Variants in NELL2 observed in about 807,000 individuals in gnomAD.
NELL2 encodes neural EGFL like 2.
A neutral mutation model predicts 109.6 loss-of-function variants in NELL2; 41 were observed. The ratio of observed to expected loss-of-function variants is 0.37; its 90% CI spans 0.29 to 0.49. The LOEUF is 0.49. NELL2 is among the 20% of genes least tolerant of loss of function. NELL2 has a pLI of 0.98. For synonymous variants in NELL2, 355 were observed against 344.7 expected (o/e 1.03, Z -0.33); for missense variants, 900 against 1,008.3 (o/e 0.89, Z 1.45).
intron 15 of NELL2, among the ~76,000 whole-genome samples, chr12:44,582,574 G>T (rs1232192365): frequency 6.6e-6 from 1 of 152,102 alleles, no homozygotes; most frequent in Non-Finnish European, 1.5e-5. Flanking sequence ...CATATGAGAT[G>T]AAACGTCAGG....
At chr12:44,532,854 T>C in intron 15 of NELL2, 133 bp from the exon 16 acceptor site, 1 of 814,794 alleles carries the variant, frequency 1.2e-6, no homozygotes, top group South Asian at 1.9e-5. Context: ...ATTAAGAAAG[T>C]CTACTTGTTT....
intron 15 of NELL2, among the ~76,000 whole-genome samples, chr12:44,548,368 A>C (rs1190944783): frequency 6.6e-6 from 1 of 151,916 alleles, no homozygotes; most frequent in Non-Finnish European, 1.5e-5. Context: ...CATAGTGAAA[A>C]CCAGTCTCTA....
intron 1 of NELL2, among the ~76,000 whole-genome samples, chr12:44,919,316 A>C (rs1238675663): frequency 6.6e-6 from 1 of 151,978 alleles, no homozygotes; most frequent in Non-Finnish European, 1.5e-5. Flanking sequence ...TAAAAATGAT[A>C]AATTATTAAT....
intron 13 of NELL2, among the ~76,000 whole-genome samples, chr12:44,658,716 A>C (rs956816282): frequency 6.6e-6 from 1 of 151,356 alleles, no homozygotes; most frequent in African/African-American, 2.4e-5. Context: ...CTCTACTAAA[A>C]ATACAAAAAA....
intron 3 of NELL2, among the ~76,000 whole-genome samples, chr12:44,813,017 A>G (rs1240648891): frequency 6.6e-6 from 1 of 152,156 alleles, no homozygotes; most frequent in Admixed American, 6.6e-5. Context: ...CTGATCTTGT[A>G]TGATTATGAG....
chr12:44,633,681 A>G (rs1946533986), intron 13 of NELL2, among the ~76,000 whole-genome samples: 1 of 152,178 alleles, frequency 6.6e-6, no homozygotes, highest in African/African-American at 2.4e-5. Context: ...AATAATGAAT[A>G]GTAGATTCAT....
chr12:44,887,324 T>C (rs962412717), intron 1 of NELL2, among the ~76,000 whole-genome samples: 6 of 151,986 alleles, frequency 3.9e-5, no homozygotes, highest in African/African-American at 1.2e-4. Context: ...GCCCTTATTT[T>C]TGGTTTTTTG....
intron 2 of NELL2, among the ~76,000 whole-genome samples, chr12:44,857,733 T>C (rs182781771): frequency 2.0e-5 from 3 of 152,362 alleles, no homozygotes; most frequent in Admixed American, 6.5e-5. Context: ...AATCTTCCTT[T>C]ACTGGTTTTC....
intron 1 of NELL2, among the ~76,000 whole-genome samples, chr12:44,885,474 C>A (rs926605555): frequency 5.3e-5 from 8 of 151,656 alleles, no homozygotes; most frequent in Non-Finnish European, 1.2e-4. Flanking sequence ...GAAATCAATT[C>A]TATTTGTATA....
At chr12:44,680,771 C>G (rs1432057753) in intron 12 of NELL2, among the ~76,000 whole-genome samples, 2 of 152,164 alleles carry the variant, frequency 1.3e-5, no homozygotes, top group African/African-American at 4.8e-5. Context: ...TTCTCTCTCA[C>G]ATTCATTTAA....
chr12:44,765,680 G>T (rs1551081), intron 9 of NELL2, among the ~76,000 whole-genome samples: 1 of 151,994 alleles, frequency 6.6e-6, no homozygotes, highest in African/African-American at 2.4e-5. Flanking sequence ...AAGAAGCTCC[G>T]TTCTTACCAC....
intron 10 of NELL2, among the ~76,000 whole-genome samples, chr12:44,712,911 G>T (rs949272238): frequency 2.0e-5 from 3 of 151,890 alleles, no homozygotes; most frequent in East Asian, 1.9e-4. Context: ...TTTGTGGCTT[G>T]CATCATATTT....
chr12:44,711,126 C>T lies in NELL2; in HGVS notation c.1189+166G>A, dbSNP rs1304061486. ...TTTTAATTCAGTTCAGTAAATATTT[C>T]ATGACTACCTACTGTGCTACTCTGT... On this transcript the variant is annotated intron_variant, in intron 11 of 19. Coordinates refer to ENST00000429094, the MANE Select transcript of NELL2 (RefSeq NM_001145108.2). Among the ~76,000 whole-genome samples, 4 of 152,100 alleles carry T rather than the reference C, an allele frequency of 2.6e-5. No individual in the cohort carries two copies. In the East Asian group the frequency reaches 7.7e-4, roughly 29 times the overall value.
rs758903947 is a variant in NELL2 at position 44,658,876 on chromosome 12, C to CAAAAAAAAAAAAA, written c.1444+6607_1444+6608insTTTTTTTTTTTTT. Among the ~76,000 whole-genome samples the CAAAAAAAAAAAAA allele has an allele frequency of 1.9e-4, 19 of 97,566 alleles. 1 individual carries two copies. The highest frequency in any genetic ancestry group is 3.3e-4 in the Non-Finnish European group (17 of 50,988). The allele number at this position is 97,566 out of a possible 152,430, so 64.0% of individuals were successfully genotyped here. A position where few individuals can be genotyped will look rare whatever the true frequency, so the allele number is the denominator to read the frequency against. ...TGGGCGACAGAGCAAGACTCTGTCT[C>CAAAAAAAAAAAAA]CAAAAAAAAAAAAAAAAAAAAAAGA... On this transcript the variant is annotated intron_variant, in intron 13 of 19. Coordinates refer to ENST00000429094, the MANE Select transcript of NELL2 (RefSeq NM_001145108.2).
At chr12:44,557,505 A>C (rs540685280) in intron 15 of NELL2, among the ~76,000 whole-genome samples, 1 of 152,190 alleles carries the variant, frequency 6.6e-6, no homozygotes, top group Non-Finnish European at 1.5e-5. Flanking sequence ...AAGAGGATCA[A>C]TGCAGAGGTA....
chr12:44,898,654 CA>C (rs1338001160), intron 1 of NELL2, among the ~76,000 whole-genome samples: 1 of 152,146 alleles, frequency 6.6e-6, no homozygotes, highest in Non-Finnish European at 1.5e-5. Context: ...TGAGGAAAAC[CA>C]GGCACAAAAA....
intron 15 of NELL2, among the ~76,000 whole-genome samples, chr12:44,549,037 A>AT (rs1942920304): frequency 6.6e-6 from 1 of 152,222 alleles, no homozygotes; most frequent in Non-Finnish European, 1.5e-5. Context: ...AGTGAAACTT[A>AT]TTAGACAGGC....
At chr12:44,783,337 C>A (rs1942035181) in intron 3 of NELL2, among the ~76,000 whole-genome samples, 1 of 149,790 alleles carries the variant, frequency 6.7e-6, no homozygotes, top group African/African-American at 2.5e-5. Context: ...AAAGGAAGGG[C>A]AAAATAAACA....
intron 2 of NELL2, among the ~76,000 whole-genome samples, chr12:44,869,143 T>G (rs971876790): frequency 1.3e-5 from 2 of 152,154 alleles, no homozygotes; most frequent in Non-Finnish European, 2.9e-5. Flanking sequence ...TGAAACATAG[T>G]ATCTGCTCTC....
Sources: allele counts gnomAD v4.1 joint callset (sites outside exome capture counted in the v4.1 genomes callset), GRCh38; gene constraint gnomAD v4.1.1; transcripts MANE v1.5; gene names NCBI Gene and HGNC (gene_info 2026-07-23, HGNC 2026-07-21).